ZFAT: variants seen among roughly 807,000 people sequenced by gnomAD.
ZFAT encodes the protein zinc finger and AT-hook domain containing, also known as zinc finger protein ZFAT.
ZFAT carries 64 observed loss-of-function variants against 117.7 expected under a neutral mutation model. That is an observed-to-expected ratio of 0.54 (90% confidence interval 0.44 to 0.67). The LOEUF (loss-of-function observed/expected upper bound fraction) is 0.67, where lower values mean the gene tolerates loss of function less well. Among genes scored for constraint, ZFAT ranks in the 30% least tolerant of loss-of-function variants. ZFAT has a pLI of 0.00. For missense variants in ZFAT, 1,433 were observed against 1,584.5 expected, an observed-to-expected ratio of 0.90 and a Z score of 1.62; for synonymous variants, 679 against 615.0, an observed-to-expected ratio of 1.10 and a Z score of -1.54.
chr8:134,642,200 T>C (rs1830624994), intron 2 of ZFAT, among the ~76,000 whole-genome samples: 1 of 152,200 alleles, frequency 6.6e-6, no homozygotes, highest in Non-Finnish European at 1.5e-5. Flanking sequence ...TGGGTTTCCT[T>C]ATTCCCAGTC....
chr8:134,687,176 T>C (rs905772625), intron 1 of ZFAT, among the ~76,000 whole-genome samples: 6 of 152,154 alleles, frequency 3.9e-5, no homozygotes, highest in African/African-American at 1.2e-4. Flanking sequence ...CTCCAATAAA[T>C]GCACACCACT....
chr8:134,741,582 C>T, the ZFAT span, among the ~76,000 whole-genome samples: 1 of 152,230 alleles, frequency 6.6e-6, no homozygotes, highest in South Asian at 2.1e-4. Flanking sequence ...AGGACTTTTT[C>T]CCATGTCTCT....
the ZFAT span, chr8:134,798,385 A>G: frequency 6.6e-6 from 1 of 152,138 alleles, no homozygotes; most frequent in East Asian, 1.9e-4. Context: ...TCCAGATTTC[A>G]TAACATTTAA....
intron 1 of ZFAT, among the ~76,000 whole-genome samples, chr8:134,665,496 G>A (rs1196399801): frequency 2.0e-5 from 3 of 152,198 alleles, no homozygotes; most frequent in Non-Finnish European, 4.4e-5. Context: ...GAGTCTCAAG[G>A]GCAGGATGAG....
At position 134,657,598 on chromosome 8, in the gene ZFAT, A is replaced by C; in HGVS notation, c.159T>G (p.Ser53Arg). The change falls in exon 2 of 16, where the codon AGT becomes AGG. Residue 53 changes from serine to arginine, a missense_variant. Coordinates refer to ENST00000377838, the MANE Select transcript of ZFAT (RefSeq NM_020863.4). ...DEIIIPLRPL[S>R]TPEPPNSSKT... ...TGCTTGAGTTGGGGGGTTCAGGTGT[A>C]CTCAGAGGCCTAAGGGGAATAATAA... 6.2e-7 allele frequency: 1 copy of C among 1,613,908 alleles called. No homozygotes were observed. Among genetic ancestry groups the C allele is most frequent in the Non-Finnish European group, 8.5e-7 (1 of 1,179,994 alleles).
At position 134,478,191 on chromosome 8, in the gene ZFAT, T is replaced by G; in HGVS notation, c.*291A>C. The G allele has an allele frequency of 5.1e-6, 2 of 392,826 alleles. No individual in the cohort carries two copies. The highest frequency in any genetic ancestry group is 9.3e-6 in the Non-Finnish European group (2 of 215,694). The allele number at this position is 392,826 out of a possible 1,614,324, so 24.3% of individuals were successfully genotyped here. ...TCTGTTTGAATCTTGAAGCAAGGGG[T>G]GAAGGTGTGGGGTGTGTGTAGGGGA... On this transcript the variant is annotated 3_prime_UTR_variant, in exon 16 of 16. Transcript: ENST00000377838. This position sits in a 1 kb window ranked among gnomAD's most constrained non-coding sequence, Gnocchi z 5.2.
Position 134,532,888 on chromosome 8 carries a change from C to A in ZFAT, c.3061G>T (p.Glu1021Ter). 1 of 1,609,936 alleles carries A rather than the reference C, an allele frequency of 6.2e-7. No homozygotes were observed. The highest frequency in any genetic ancestry group is 8.5e-7 in the Non-Finnish European group (1 of 1,178,220). ...TCCCCGGTGCCCACGTTGGCATACT[C>A]CTCATTAGGGTGCTTCCTGTTGTAG... ...RHYNRKHPNEEYANVGTGELA... is the reference protein window; with the variant it reads ...RHYNRKHPNE The change falls in exon 12 of 16, where the codon GAG becomes TAG. Residue 1021 changes from glutamate (E) to a stop codon, truncating the protein, a stop_gained. Transcript: ENST00000377838. LOFTEE classifies it high-confidence loss of function.
intron 14 of ZFAT, chr8:134,510,190 A>G (rs531891690): frequency 2.2e-6 from 1 of 455,480 alleles, no homozygotes; most frequent in Non-Finnish European, 4.4e-6. Context: ...GTTATGGGCA[A>G]AACATCCAAA....
chr8:134,613,107 A>G (rs1295049868), intron 3 of ZFAT, among the ~76,000 whole-genome samples: 2 of 152,326 alleles, frequency 1.3e-5, no homozygotes, highest in Non-Finnish European at 1.5e-5. Context: ...CATTTTACAG[A>G]ATTTTTTGCT....
chr8:134,800,376 T>C, the ZFAT span: 202 of 378,318 alleles, frequency 5.3e-4, 1 homozygote, highest in African/African-American at 4.3e-3. Context: ...CCCTGCCAGC[T>C]AGACAATTAA....
At chr8:134,596,040 G>T (rs1377764379) in intron 7 of ZFAT, among the ~76,000 whole-genome samples, 1 of 152,178 alleles carries the variant, frequency 6.6e-6, no homozygotes, top group Non-Finnish European at 1.5e-5. Flanking sequence ...TCCATCTCCA[G>T]GGTCACAGGT....
At chr8:134,781,154 C>A in the ZFAT span, among the ~76,000 whole-genome samples, 2 of 152,080 alleles carry the variant, frequency 1.3e-5, no homozygotes, top group Non-Finnish European at 2.9e-5. Flanking sequence ...GAGACAGGGT[C>A]TTGCTCTGTT....
chr8:134,700,980 C>A (rs908303084), intron 1 of ZFAT, among the ~76,000 whole-genome samples: 1 of 152,088 alleles, frequency 6.6e-6, no homozygotes, highest in Non-Finnish European at 1.5e-5. Context: ...TCAGTCAGTG[C>A]CCTCACCCCC....
chr8:134,532,049 T>C (rs1025665427), intron 12 of ZFAT, among the ~76,000 whole-genome samples: 2 of 152,202 alleles, frequency 1.3e-5, no homozygotes, highest in African/African-American at 4.8e-5. Context: ...AGTATTGAAG[T>C]GTAGATATAA....
the ZFAT span, among the ~76,000 whole-genome samples, chr8:134,809,755 A>G: frequency 6.6e-6 from 1 of 152,338 alleles, no homozygotes; most frequent in Admixed American, 6.5e-5. Context: ...GTGAAGTGGG[A>G]CAGTGCTTTG....
At chr8:134,644,657 C>T (rs1830775030) in intron 2 of ZFAT, among the ~76,000 whole-genome samples, 1 of 151,996 alleles carries the variant, frequency 6.6e-6, no homozygotes, top group South Asian at 2.1e-4. Flanking sequence ...CACAAACGTG[C>T]ACTTACACAT....
chr8:134,749,857 A>G, the ZFAT span, among the ~76,000 whole-genome samples: 6 of 152,128 alleles, frequency 3.9e-5, no homozygotes, highest in Non-Finnish European at 5.9e-5. Flanking sequence ...CTCATTTTCT[A>G]TACTCTAGAG....
intron 11 of ZFAT, among the ~76,000 whole-genome samples, chr8:134,548,227 A>G (rs1373870189): frequency 6.6e-6 from 1 of 152,256 alleles, no homozygotes; most frequent in African/African-American, 2.4e-5. Context: ...AAAGAGCCTC[A>G]AGAATTTACA....
At chr8:134,729,550 G>A in the ZFAT span, among the ~76,000 whole-genome samples, 1 of 152,120 alleles carries the variant, frequency 6.6e-6, no homozygotes, top group South Asian at 2.1e-4. Context: ...AGCCAGGATG[G>A]TCTCGATCTC....
Sources: allele counts gnomAD v4.1 joint callset (sites outside exome capture counted in the v4.1 genomes callset), GRCh38; gene constraint gnomAD v4.1.1; non-coding constraint Gnocchi (gnomAD v3.1); transcripts MANE v1.5; gene names NCBI Gene and HGNC (gene_info 2026-07-23, HGNC 2026-07-21).